Variants in PCDH15 observed in about 807,000 individuals in gnomAD.
The protein encoded by PCDH15 is protocadherin related 15, also known as protocadherin-15.
In PCDH15, 129 loss-of-function variants were observed where a neutral mutation model predicts 178.5. That is an observed-to-expected ratio of 0.72 (90% CI 0.63 to 0.84). The LOEUF is 0.84. Among genes scored for constraint, PCDH15 ranks in the 40% least tolerant of loss-of-function variants. The pLI, the probability that PCDH15 is intolerant of heterozygous loss-of-function variation, is 0.00. For synonymous variants in PCDH15, 800 were observed against 732.0 expected, an observed-to-expected ratio of 1.09 and a Z score of -1.50; for missense variants, 2,230 against 2,099.9, an observed-to-expected ratio of 1.06 and a Z score of -1.21.
chr10:55,285,769 C>T (rs1179597234), intron 1 of PCDH15, among the ~76,000 whole-genome samples: 1 of 151,784 alleles, frequency 6.6e-6, no homozygotes, highest in Non-Finnish European at 1.5e-5. Context: ...ATTTCATCCC[C>T]TTCTCAAAGA....
Position 53,805,081 on chromosome 10 carries a change from T to TATG in PCDH15, c.*1495_*1497dup, listed in dbSNP as rs1287887092. The stretch of plus-strand genomic sequence containing the variant: ...TACTACTCTTACAAGTCGGCAAGTT[T>TATG]ATGTCAGTACAATTCATTCACTTTG... On this transcript the variant is annotated 3_prime_UTR_variant, in exon 38 of 38. Coordinates refer to ENST00000644397, the MANE Select transcript of PCDH15 (RefSeq NM_001384140.1). The TATG allele has an allele frequency of 2.0e-5, 3 of 152,046 alleles. No homozygotes were observed. Among genetic ancestry groups the TATG allele is most frequent in the African/African-American group, 7.2e-5 (3 of 41,426 alleles). 9.4% of individuals were successfully genotyped at this position (152,046 alleles called of 1,614,324 possible).
At chr10:54,347,349 C>T (rs147145289) in intron 5 of PCDH15, among the ~76,000 whole-genome samples, 7 of 152,166 alleles carry the variant, frequency 4.6e-5, no homozygotes, top group South Asian at 2.1e-4. Context: ...GCATTACACA[C>T]GCCACATCAG....
chr10:55,414,695 G>T (rs937242977), intron 2 of PCDH15, among the ~76,000 whole-genome samples: 1 of 151,008 alleles, frequency 6.6e-6, no homozygotes, highest in Non-Finnish European at 1.5e-5. Context: ...TTGGTGTAAA[G>T]AAATGCACCT....
chr10:53,816,577 G>A (rs1009482570), intron 34 of PCDH15, among the ~76,000 whole-genome samples: 2 of 152,094 alleles, frequency 1.3e-5, no homozygotes, highest in Non-Finnish European at 2.9e-5. Flanking sequence ...AAGCTCCACA[G>A]TACAAAGAGT....
At chr10:54,589,345 T>C (rs1442152912) in intron 2 of PCDH15, among the ~76,000 whole-genome samples, 1 of 152,184 alleles carries the variant, frequency 6.6e-6, no homozygotes. Context: ...AATTAGGTAA[T>C]TATTTCAATC....
At chr10:55,333,466 G>A (rs1223022354) in intron 2 of PCDH15, among the ~76,000 whole-genome samples, 1 of 152,056 alleles carries the variant, frequency 6.6e-6, no homozygotes, top group Non-Finnish European at 1.5e-5. Context: ...AGAAAAATAT[G>A]TGAAATTTTT....
intron 1 of PCDH15, among the ~76,000 whole-genome samples, chr10:54,737,364 T>TGG (rs1933834669): frequency 6.6e-6 from 1 of 152,060 alleles, no homozygotes; most frequent in Non-Finnish European, 1.5e-5. Flanking sequence ...TACAAAATGG[T>TGG]GTATACATCA....
chr10:54,518,325 AAAG>A (rs1272513801), intron 3 of PCDH15, among the ~76,000 whole-genome samples: 1 of 151,994 alleles, frequency 6.6e-6, no homozygotes, highest in Admixed American at 6.6e-5. Flanking sequence ...CAAGACTAAT[AAAG>A]AAAAAAAGAG....
At chr10:55,524,607 G>T (rs902714877) in intron 2 of PCDH15, among the ~76,000 whole-genome samples, 1 of 151,190 alleles carries the variant, frequency 6.6e-6, no homozygotes, top group Non-Finnish European at 1.5e-5. Context: ...GATTTCTCTT[G>T]GTGGGTAATT....
Position 54,954,274 on chromosome 10 carries a change from A to G in PCDH15, c.-79-56774T>C, listed in dbSNP as rs146044164. Among the ~76,000 whole-genome samples the G allele has an allele frequency of 8.1e-3, 1,231 of 151,416 alleles. 14 individuals are homozygous for G. The highest frequency in any genetic ancestry group is 0.013 in the Non-Finnish European group (884 of 67,372). On this transcript the variant is annotated intron_variant, in intron 2 of 5. Coordinates refer to the PCDH15 transcript ENST00000458638. ...CTCAGGCCTCTATTAAATTGCGCAT[A>G]GAGTCTCATCTATCAGGAAAACACA...
chr10:53,831,172 T>C (rs1384807704), intron 30 of PCDH15, 143 bp downstream of exon 30: 1 of 824,032 alleles, frequency 1.2e-6, no homozygotes, highest in Admixed American at 1.8e-5. Context: ...GAAAATCATT[T>C]GGTACGAGAT....
intron 21 of PCDH15, among the ~76,000 whole-genome samples, chr10:53,969,977 T>C (rs2089497362): frequency 1.3e-5 from 2 of 152,090 alleles, no homozygotes; most frequent in Non-Finnish European, 2.9e-5. Flanking sequence ...CCAGCTAAGA[T>C]CATAATGACA....
At position 55,610,638 on chromosome 10, in the gene PCDH15, G is replaced by C. The variant is rs1286181214; in HGVS notation, c.-156+16987C>G. 2.6e-5 allele frequency among the ~76,000 whole-genome samples: 4 copies of C among 152,178 alleles called. No individual in the cohort carries two copies. The East Asian group carries it at 7.7e-4, about 29-fold the overall frequency. On this transcript the variant is annotated intron_variant, in intron 2 of 5. Transcript: ENST00000613346. ...AGACGTTTCTGTTTTATATACTTAA[G>C]AGCTTAAAAGATACTGTTGAAAATT...
intron 2 of PCDH15, among the ~76,000 whole-genome samples, chr10:54,898,566 A>C (rs1954586676): frequency 6.6e-6 from 1 of 152,136 alleles, no homozygotes; most frequent in South Asian, 2.1e-4. Context: ...AATCCATTGT[A>C]TCATTTTTCT....
intron 2 of PCDH15, among the ~76,000 whole-genome samples, chr10:54,580,143 G>A (rs1376848958): frequency 1.3e-5 from 2 of 151,946 alleles, no homozygotes; most frequent in African/African-American, 2.4e-5. Context: ...GAATGAAGTA[G>A]AGACCCAATA....
intron 19 of PCDH15, among the ~76,000 whole-genome samples, chr10:54,022,068 A>G (rs984803413): frequency 1.3e-5 from 2 of 151,986 alleles, no homozygotes; most frequent in African/African-American, 4.8e-5. Context: ...GAGTCTGGAA[A>G]AGTATGCTAA....
Position 55,194,608 on chromosome 10 carries a change from T to A in PCDH15, c.-155-27957A>T, listed in dbSNP as rs143440553. Reference sequence around the variant, plus strand: ...GATACTTGCTCTTTCAAGTAGATTATCATTTTATGCTTATTATTATTGTAA... The same window carrying A: ...GATACTTGCTCTTTCAAGTAGATTAACATTTTATGCTTATTATTATTGTAA... On this transcript the variant is annotated intron_variant, in intron 1 of 5. Transcript: ENST00000458638. Among the ~76,000 whole-genome samples the A allele has an allele frequency of 6.4e-3, 968 of 152,162 alleles. 18 individuals are homozygous for A. Among genetic ancestry groups the A allele is most frequent in the African/African-American group, 0.022 (931 of 41,466 alleles).
At chr10:55,374,426 A>T (rs1229163077) in intron 2 of PCDH15, among the ~76,000 whole-genome samples, 2 of 152,048 alleles carry the variant, frequency 1.3e-5, no homozygotes, top group South Asian at 4.2e-4. Flanking sequence ...TGACTGAATT[A>T]TGTTTTCCTT....
intron 2 of PCDH15, among the ~76,000 whole-genome samples, chr10:55,016,936 T>G (rs1295534179): frequency 6.7e-6 from 1 of 148,646 alleles, no homozygotes; most frequent in Non-Finnish European, 1.5e-5. Context: ...TGGGCCCTAA[T>G]GAGTAAGAGT....
Sources: gnomAD v4.1 joint callset for allele counts (sites outside exome capture counted in the v4.1 genomes callset) on GRCh38, gnomAD v4.1.1 for gene constraint, MANE v1.5 for transcripts, NCBI Gene and HGNC (gene_info 2026-07-23, HGNC 2026-07-21) for gene names.